The following SLC12A5 variants were observed in gnomAD, a reference collection of about 807,000 sequenced individuals.
SLC12A5 encodes the protein solute carrier family 12 member 5.
Under a neutral mutation model 124.0 loss-of-function variants are expected in SLC12A5, and 18 were observed. The ratio of observed to expected loss-of-function variants is 0.15; its 90% CI spans 0.10 to 0.22. The LOEUF is 0.22. SLC12A5 is among the 10% of genes least tolerant of loss of function. SLC12A5 has a pLI of 1.00. For synonymous variants in SLC12A5, 589 were observed against 568.0 expected, an observed-to-expected ratio of 1.04 and a Z score of -0.53; for missense variants, 867 against 1,478.7, an observed-to-expected ratio of 0.59 and a Z score of 6.78.
upstream of SLC12A5, chr20:46,021,802 G>A: frequency 1.3e-6 from 2 of 1,532,476 alleles, no homozygotes; most frequent in Non-Finnish European, 8.7e-7. Flanking sequence ...GCTGCCCCCC[G>A]CAGGGCCCGC....
At chr20:46,040,937 A>G in intron 7 of SLC12A5, 1 of 413,734 alleles carries the variant, frequency 2.4e-6, no homozygotes, top group East Asian at 5.1e-5. Flanking sequence ...GGTGGGGACA[A>G]CCTCCTGGAA....
chr20:46,024,383 C>G (rs556672689), upstream of SLC12A5, among the ~76,000 whole-genome samples: 1 of 152,236 alleles, frequency 6.6e-6, no homozygotes, highest in Non-Finnish European at 1.5e-5. Context: ...ACCTTTTAAG[C>G]CTGAAGCAGT....
intron 18 of SLC12A5, 144 bp from the exon 19 acceptor site, chr20:46,052,813 G>T: frequency 1.2e-6 from 1 of 821,238 alleles, no homozygotes; most frequent in Non-Finnish European, 1.9e-6. Context: ...GTAGATGCTG[G>T]TTTTCTGACC....
Position 46,053,173 on chromosome 20 carries a change from T to G in SLC12A5, c.2547+47T>G, listed in dbSNP as rs771545963. On this transcript the variant is annotated intron_variant, in intron 19 of 25. Transcript: ENST00000243964. This position sits in a 1 kb window ranked among gnomAD's most constrained non-coding sequence, Gnocchi z 4.7. ...ATGCACGTGTGAGTGTGTGTATGCA[T>G]GTATGCATTTGTGTGCATATGTGCA... 18 of 1,567,048 alleles carry G rather than the reference T, an allele frequency of 1.1e-5. No individual in the cohort carries two copies. In the Admixed American group the frequency reaches 2.6e-4, roughly 22 times the overall value.
Position 46,040,473 on chromosome 20 carries a change from T to C in SLC12A5, c.713T>C (p.Leu238Pro). ...NNMRVYGTCVLTCMATVVFVG... is the reference protein window; with the variant it reads ...NNMRVYGTCVPTCMATVVFVG... ...ATGCGTGTTTACGGCACCTGTGTGC[T>C]CACCTGCATGGCCACTGTGGTGTTT... Residue 238 changes from leucine to proline, a missense_variant, in exon 7 of 26, where the codon CTC becomes CCC. Physicochemically the swap from Leu to Pro is moderately conservative, Grantham distance 98 (BLOSUM62 -3). Transcript: ENST00000243964. 6.2e-7 allele frequency: 1 copy of C among 1,614,256 alleles called. No individual in the cohort carries two copies. Among genetic ancestry groups the C allele is most frequent in the Non-Finnish European group, 8.5e-7 (1 of 1,180,046 alleles).
At chr20:46,038,270 A>G (rs1405479926) in intron 6 of SLC12A5, 1 of 152,074 alleles carries the variant, frequency 6.6e-6, no homozygotes, top group Non-Finnish European at 1.5e-5. Context: ...GCAGTCACTG[A>G]CAGCCTCGAC....
intron 1 of SLC12A5, 89 bp downstream of exon 1, chr20:46,029,485 T>G: frequency 7.2e-7 from 1 of 1,395,992 alleles, no homozygotes; most frequent in Non-Finnish European, 9.7e-7. Flanking sequence ...GCCACCTCCT[T>G]CAGAGAGGAG....
chr20:46,049,570 T>C (rs1340920704), intron 16 of SLC12A5, 52 bp from the exon 17 acceptor site: 21 of 1,559,614 alleles, frequency 1.3e-5, no homozygotes, highest in African/African-American at 2.7e-5. Context: ...GTATGGTGTG[T>C]GGATGGTTGG....
At chr20:46,048,812 G>A (rs1479152743) in intron 16 of SLC12A5, among the ~76,000 whole-genome samples, 1 of 151,508 alleles carries the variant, frequency 6.6e-6, no homozygotes, top group Non-Finnish European at 1.5e-5. Context: ...AGGTTATAGT[G>A]AGCCGAGATT....
At position 46,054,939 on chromosome 20, in the gene SLC12A5, C is replaced by T. The variant is rs1258258962; in HGVS notation, c.2703C>T (p.Tyr901=). Reference sequence around the variant, plus strand: ...AGCATGAGAGCGACATCTCAGCTTACACCTATGAGAAGACGTTGGTGATGG... The same window carrying T: ...AGCATGAGAGCGACATCTCAGCTTATACCTATGAGAAGACGTTGGTGATGG... ...VEMHESDISA[Y]TYEKTLVMEQ... The change falls in exon 21 of 26, where the codon TAC becomes TAT. Residue 901 remains tyrosine, a synonymous_variant. Coordinates refer to ENST00000243964, the MANE Select transcript of SLC12A5 (RefSeq NM_020708.5). 1 of 1,613,524 alleles carries T rather than the reference C, an allele frequency of 6.2e-7. No individual in the cohort carries two copies. Among genetic ancestry groups the T allele is most frequent in the Admixed American group, 1.7e-5 (1 of 59,992 alleles).
intron 3 of SLC12A5, 98 bp downstream of exon 3, chr20:46,035,633 G>A: frequency 6.7e-7 from 1 of 1,501,356 alleles, no homozygotes; most frequent in Non-Finnish European, 9.0e-7. Flanking sequence ...GGAGGGAAAG[G>A]GGATACAAAT....
At chr20:46,055,961 T>G (rs925070260) in intron 21 of SLC12A5, 189 bp from the exon 22 acceptor site, 4 of 735,126 alleles carry the variant, frequency 5.4e-6, no homozygotes, top group East Asian at 5.6e-5. Context: ...TCTGGGGTTC[T>G]GGAGAGGAGG....
chr20:46,030,810 C>T (rs1277132669), intron 1 of SLC12A5, among the ~76,000 whole-genome samples: 1 of 151,842 alleles, frequency 6.6e-6, no homozygotes, highest in East Asian at 1.9e-4. Flanking sequence ...CTCCCCCCCA[C>T]CCCCCGCCGC....
At chr20:46,031,391 C>G (rs1289573404) in intron 1 of SLC12A5, among the ~76,000 whole-genome samples, 1 of 152,150 alleles carries the variant, frequency 6.6e-6, no homozygotes, top group Non-Finnish European at 1.5e-5. Context: ...GAAGTCCCCC[C>G]TCCTCCAAGC....
intron 11 of SLC12A5, among the ~76,000 whole-genome samples, chr20:46,044,481 C>T (rs1411136168): frequency 6.6e-6 from 1 of 152,168 alleles, no homozygotes; most frequent in Admixed American, 6.5e-5. Flanking sequence ...TCTCACTTAT[C>T]CTTCCTGCTT....
At chr20:46,052,873 C>G (rs2084657869) in intron 18 of SLC12A5, 84 bp from the exon 19 acceptor site, 1 of 1,453,356 alleles carries the variant, frequency 6.9e-7, no homozygotes, top group Non-Finnish European at 9.2e-7. Context: ...TGCTGGCTGC[C>G]AGGAGCCCTT....
In SLC12A5 at chr20:46,058,486, C is replaced by A. The variant is rs574571814; in HGVS notation, c.*881C>A. ...AGCTTCCACTGCGGCTGCAGAGACG[C>A]GAGCAACCTCTTCTCATCGGCTCTT... On this transcript the variant is annotated 3_prime_UTR_variant, in exon 26 of 26. Coordinates refer to ENST00000243964, the MANE Select transcript of SLC12A5 (RefSeq NM_020708.5). This position sits in a 1 kb window ranked among gnomAD's most constrained non-coding sequence, Gnocchi z 5.8. 169 of 399,222 alleles carry A rather than the reference C, an allele frequency of 4.2e-4. No individual in the cohort carries two copies. The highest frequency in any genetic ancestry group is 3.1e-3 in the African/African-American group (150 of 48,768). 24.7% of individuals were successfully genotyped at this position (399,222 alleles called of 1,614,324 possible).
chr20:46,023,715 T>G (rs2084374559), downstream of SLC12A5: 3 of 315,176 alleles, frequency 9.5e-6, no homozygotes, highest in East Asian at 1.4e-4. Context: ...ACCTTTTCAG[T>G]TTCCTCTTCG....
rs200873569 is a variant in SLC12A5 at position 46,043,329 on chromosome 20, G to A, written c.1237+6G>A. The A allele has an allele frequency of 1.8e-4, 296 of 1,613,116 alleles. No homozygotes were observed. The highest frequency in any genetic ancestry group is 2.4e-4 in the Non-Finnish European group (280 of 1,179,362). The stretch of plus-strand genomic sequence containing the variant: ...CTACTTCCCCTCAGTCACAGGTGAA[G>A]GGGAGCTCAGAGAGGGAAGACTCTG... On this transcript the variant is annotated splice_donor_region_variant and intron_variant, in intron 9 of 25. Coordinates refer to ENST00000243964, the MANE Select transcript of SLC12A5 (RefSeq NM_020708.5).
Sources: gnomAD v4.1 joint callset for allele counts (sites outside exome capture counted in the v4.1 genomes callset) on GRCh38, gnomAD v4.1.1 for gene constraint, Gnocchi (gnomAD v3.1) non-coding constraint, MANE v1.5 for transcripts, NCBI Gene and HGNC (gene_info 2026-07-23, HGNC 2026-07-21) for gene names.